The following TEX55 variants were observed in gnomAD, a reference collection of about 807,000 sequenced individuals.
The protein encoded by TEX55 is testis expressed 55.
TEX55 carries 31 observed loss-of-function variants against 44.6 expected under a neutral mutation model. The observed-to-expected ratio is 0.69, with a 90% CI of 0.52 to 0.94. The LOEUF is 0.94. Among genes scored for constraint, TEX55 ranks in the 40% least tolerant of loss-of-function variants. The probability of loss-of-function intolerance (pLI) is 0.00; values close to 1 mark genes in which losing one functional copy is unlikely to be tolerated. For synonymous variants in TEX55, 230 were observed against 230.9 expected, an observed-to-expected ratio of 1.00 and a Z score of 0.04; for missense variants, 639 against 638.4, an observed-to-expected ratio of 1.00 and a Z score of -0.01.
Position 119,146,955 on chromosome 3 carries a change from G to A in TEX55, c.766G>A (p.Val256Ile), listed in dbSNP as rs748691005. 85 of 1,614,038 alleles carry A rather than the reference G, an allele frequency of 5.3e-5. 1 individual carries two copies. The Middle Eastern group carries it at 1.8e-3, about 34-fold the overall frequency. Residue 256 changes from valine (V) to isoleucine (I), a missense_variant, in exon 1 of 3, where the codon GTA (valine) becomes ATA (isoleucine). Physicochemically the swap from Val to Ile is conservative, Grantham distance 29 (BLOSUM62 3). Transcript: ENST00000295622. ...SSVPSDQRPS[V>I]QIDRRMSGKV... is the part of the protein sequence containing the mutation. Reference sequence around the variant, plus strand: ...CGTACCATCTGACCAAAGACCTTCCGTACAGATTGACCGCAGAATGTCAGG... The same window carrying A: ...CGTACCATCTGACCAAAGACCTTCCATACAGATTGACCGCAGAATGTCAGG...
intron 2 of TEX55, among the ~76,000 whole-genome samples, chr3:119,149,689 C>G (rs2095080113): frequency 1.3e-5 from 2 of 152,134 alleles, no homozygotes; most frequent in Admixed American, 6.5e-5. Flanking sequence ...TAATGCTTTG[C>G]ACTATGGCAT....
rs766208283 is a variant in TEX55, at chr3:119,146,725, A to AC, written c.538dup (p.His180ProfsTer8). ...GACCAGAGAGGTTCCAGACAGACCG[A>AC]CCACAGAATGGCAGGCCAGTCTGAG... is the stretch of plus-strand genomic sequence containing the variant. On this transcript the variant is annotated frameshift_variant, in exon 1 of 3. Transcript: ENST00000295622. LOFTEE classifies it high-confidence loss of function. 6.2e-7 allele frequency: 1 copy of AC among 1,614,174 alleles called. No homozygotes were observed. Among genetic ancestry groups the AC allele is most frequent in the Non-Finnish European group, 8.5e-7 (1 of 1,180,000 alleles).
At chr3:119,151,049 T>C (rs1382032728) in intron 2 of TEX55, among the ~76,000 whole-genome samples, 175 bp from the exon 3 acceptor site, 1 of 152,148 alleles carries the variant, frequency 6.6e-6, no homozygotes, top group East Asian at 1.9e-4. Context: ...TAGTGAGCTA[T>C]GAACTATGAT....
rs1361474844 is a variant in TEX55, at chr3:119,147,563, A to C, written c.1374A>C (p.Lys458Asn). The C allele has an allele frequency of 6.2e-7, 1 of 1,613,346 alleles. No individual in the cohort carries two copies. Among genetic ancestry groups the C allele is most frequent in the East Asian group, 2.2e-5 (1 of 44,880 alleles). ...SKLNYTSSQE[K>N]TQAIVTKSDE... ...TGAACTATACCAGCAGTCAAGAAAA[A>C]ACTCAAGCCATAGTAACCAAATCTG... Residue 458 changes from lysine (K) to asparagine (N), a missense_variant, in exon 1 of 3, where the codon AAA becomes AAC. Lys to Asn is a moderately conservative substitution (Grantham distance 94, BLOSUM62 0). Coordinates refer to ENST00000295622, the MANE Select transcript of TEX55 (RefSeq NM_152539.3).
intron 1 of TEX55, 42 bp from the exon 2 acceptor site, chr3:119,148,138 A>C: frequency 1.3e-6 from 2 of 1,569,510 alleles, no homozygotes; most frequent in Non-Finnish European, 1.7e-6. Context: ...TAGGCCCTTC[A>C]GGTTTACTAA....
At position 119,146,582 on chromosome 3, in the gene TEX55, T is replaced by TG; in HGVS notation, c.395dup (p.Gln133SerfsTer12). The TG allele has an allele frequency of 6.2e-7, 1 of 1,614,026 alleles. No homozygotes were observed. Among genetic ancestry groups the TG allele is most frequent in the East Asian group, 2.2e-5 (1 of 44,886 alleles). ...ATAATGTACAGCATGAACAGAGTGA[T>TG]GGTCAGGTGTCTGGCCTGACGGAGG... On this transcript the variant is annotated frameshift_variant, in exon 1 of 3. Coordinates refer to ENST00000295622, the MANE Select transcript of TEX55 (RefSeq NM_152539.3). LOFTEE classifies it high-confidence loss of function.
chr3:119,146,389 TA>T lies in TEX55; in HGVS notation c.201del (p.Phe68LeufsTer8). 6.2e-7 allele frequency: 1 copy of T among 1,614,196 alleles called. No homozygotes were observed. The highest frequency in any genetic ancestry group is 8.5e-7 in the Non-Finnish European group (1 of 1,180,020). ...GTGCCTAGCCAGGCTGAATCCAGCATATTTAGCCAAGCTACCAACGGAGTAG... is the reference window on the plus strand; with the variant it reads ...GTGCCTAGCCAGGCTGAATCCAGCATTTTAGCCAAGCTACCAACGGAGTAG... The part of the protein sequence containing the change: ...LRVPSQAESS[I>X]FSQATNGVAE... On this transcript the variant is annotated frameshift_variant, in exon 1 of 3. Coordinates refer to ENST00000295622, the MANE Select transcript of TEX55 (RefSeq NM_152539.3). LOFTEE classifies it high-confidence loss of function.
chr3:119,148,885 C>T (rs2077755675), intron 2 of TEX55, among the ~76,000 whole-genome samples: 1 of 152,140 alleles, frequency 6.6e-6, no homozygotes, highest in African/African-American at 2.4e-5. Context: ...ACATAGAAAA[C>T]ATACAGTACA....
rs1263025335 is a variant in TEX55, at chr3:119,148,008, C to CACCTGGAGACCTGGAGG, written c.1399-171_1399-170insCCTGGAGACCTGGAGGA. Reference sequence around the variant, plus strand: ...AAGGTACCTCCCAGGACATGAGGTGCATTATATTGCACCTGGAGACCTGGA... The same window carrying CACCTGGAGACCTGGAGG: ...AAGGTACCTCCCAGGACATGAGGTGCACCTGGAGACCTGGAGGATTATATTGCACCTGGAGACCTGGA... On this transcript the variant is annotated intron_variant, in intron 1 of 2. Transcript: ENST00000295622. Among the ~76,000 whole-genome samples, 34 of 152,266 alleles carry CACCTGGAGACCTGGAGG rather than the reference C, an allele frequency of 2.2e-4. 1 individual carries two copies. In the East Asian group the frequency reaches 6.6e-3, roughly 29 times the overall value.
At chr3:119,148,350 T>C in intron 2 of TEX55, 27 bp downstream of exon 2, 1 of 1,574,254 alleles carries the variant, frequency 6.4e-7, no homozygotes, top group Non-Finnish European at 8.7e-7. Flanking sequence ...CTCTCTTTAA[T>C]TATAAGTTTT....
rs1003343776 is a variant in TEX55, at chr3:119,147,598, T to C, written c.1398+11T>C. ...ATAGTAACCAAATCTGTAAGTTAAA[T>C]GGGCATTTGATACCTACCTGGGAGA... is the stretch of plus-strand genomic sequence containing the variant. On this transcript the variant is annotated intron_variant, in intron 1 of 2. Coordinates refer to ENST00000295622, the MANE Select transcript of TEX55 (RefSeq NM_152539.3). The C allele has an allele frequency of 6.2e-7, 1 of 1,605,552 alleles. No homozygotes were observed. The highest frequency in any genetic ancestry group is 8.5e-7 in the Non-Finnish European group (1 of 1,175,340).
rs1042286326 is a variant in TEX55, at chr3:119,148,446, A to G, written c.1542+123A>G. 1.0e-5 allele frequency: 9 copies of G among 900,036 alleles called. No individual in the cohort carries two copies. In the African/African-American group the frequency reaches 1.0e-4, roughly 10 times the overall value. The allele number at this position is 900,036 out of a possible 1,614,324, so 55.8% of individuals were successfully genotyped here. A position where few individuals can be genotyped will look rare whatever the true frequency, so the allele number is the denominator to read the frequency against. ...ATAAGTGCATTAAGATGTAGTTACC[A>G]TAAGTAGTAAATGATAAACACCAAA... is the stretch of plus-strand genomic sequence containing the variant. On this transcript the variant is annotated intron_variant, in intron 2 of 2. Coordinates refer to ENST00000295622, the MANE Select transcript of TEX55 (RefSeq NM_152539.3).
chr3:119,147,936 G>C (rs1338783832), intron 1 of TEX55, among the ~76,000 whole-genome samples: 2 of 152,192 alleles, frequency 1.3e-5, no homozygotes, highest in African/African-American at 4.8e-5. Context: ...GAGTTGATTA[G>C]ACATCCCTGT....
At chr3:119,149,228 A>G (rs188950078) in intron 2 of TEX55, among the ~76,000 whole-genome samples, 10 of 152,148 alleles carry the variant, frequency 6.6e-5, no homozygotes, top group Admixed American at 4.6e-4. Context: ...TTTTCTTTAC[A>G]TTCTTATTCT....
At chr3:119,149,318 A>C (rs2077759607) in intron 2 of TEX55, among the ~76,000 whole-genome samples, 1 of 152,178 alleles carries the variant, frequency 6.6e-6, no homozygotes, top group Non-Finnish European at 1.5e-5. Flanking sequence ...ACTAAGACAC[A>C]AATACACACA....
At chr3:119,148,390 T>TA (rs1559892566) in intron 2 of TEX55, 67 bp downstream of exon 2, 5 of 1,418,446 alleles carry the variant, frequency 3.5e-6, no homozygotes, top group Non-Finnish European at 4.9e-6. Context: ...GTGTATTCTG[T>TA]AAAAAGGGAT....
At chr3:119,149,591 G>A (rs767291473) in intron 2 of TEX55, among the ~76,000 whole-genome samples, 32 of 152,166 alleles carry the variant, frequency 2.1e-4, no homozygotes, top group Non-Finnish European at 3.8e-4. Flanking sequence ...CAAGTAGGAT[G>A]TACTATACAT....
chr3:119,146,505 G>A lies in TEX55; in HGVS notation c.316G>A (p.Val106Ile), dbSNP rs746755429. Residue 106 changes from valine to isoleucine, a missense_variant, in exon 1 of 3, where the codon GTT (valine) becomes ATT (isoleucine). Transcript: ENST00000295622. ...TTCTGACCTTAGAGCAGATGATCAG[G>A]TTAATCAAACACCGTCTGAACAGAC... ...DVSDLRADDQ[V>I]NQTPSEQTKG... 1.2e-6 allele frequency: 2 copies of A among 1,614,046 alleles called. No individual in the cohort carries two copies. The highest frequency in any genetic ancestry group is 1.7e-6 in the Non-Finnish European group (2 of 1,180,050).
chr3:119,150,826 C>A (rs935468399), intron 2 of TEX55, among the ~76,000 whole-genome samples: 4 of 152,114 alleles, frequency 2.6e-5, no homozygotes, highest in Non-Finnish European at 5.9e-5. Flanking sequence ...GTAAAAATAT[C>A]AATTGCTATT....
Sources: allele counts gnomAD v4.1 joint callset (sites outside exome capture counted in the v4.1 genomes callset), GRCh38; gene constraint gnomAD v4.1.1; transcripts MANE v1.5; gene names NCBI Gene and HGNC (gene_info 2026-07-23, HGNC 2026-07-21).